HCRTR2: variants seen among roughly 807,000 people sequenced by gnomAD.
HCRTR2 encodes the protein orexin receptor type 2.
A neutral mutation model predicts 49.0 loss-of-function variants in HCRTR2; 22 were observed. That is an observed-to-expected ratio of 0.45 (90% CI 0.32 to 0.64). The LOEUF is 0.64. Among genes scored for constraint, HCRTR2 ranks in the 30% least tolerant of loss-of-function variants. The pLI is 0.04. For missense variants in HCRTR2, 491 were observed against 559.4 expected (o/e 0.88, Z 1.23); for synonymous variants, 236 against 205.3 (o/e 1.15, Z -1.28).
chr6:55,125,081 G>C (rs896100621), intron 1 of HCRTR2, among the ~76,000 whole-genome samples: 3 of 151,990 alleles, frequency 2.0e-5, no homozygotes, highest in Admixed American at 6.6e-5. Flanking sequence ...GCCAGCCTGT[G>C]TCTTTTAATT....
At chr6:55,215,375 A>G (rs937053414) in intron 1 of HCRTR2, among the ~76,000 whole-genome samples, 2 of 152,216 alleles carry the variant, frequency 1.3e-5, no homozygotes, top group Non-Finnish European at 2.9e-5. Flanking sequence ...TTCCAGATAA[A>G]CAAAAGCCAA....
intron 1 of HCRTR2, among the ~76,000 whole-genome samples, chr6:55,201,824 G>A (rs1765518120): frequency 6.6e-6 from 1 of 152,062 alleles, no homozygotes; most frequent in Non-Finnish European, 1.5e-5. Flanking sequence ...CACAAACTCA[G>A]ATTTTATAGC....
chr6:55,226,387 C>T (rs9396065), intron 1 of HCRTR2, among the ~76,000 whole-genome samples: 31,155 of 152,074 alleles, frequency 0.2, 3,321 homozygotes, highest in Non-Finnish European at 0.24. Context: ...CAGCTCACTG[C>T]AACCTCCGAC....
intron 1 of HCRTR2, among the ~76,000 whole-genome samples, chr6:55,209,094 A>G (rs1382669312): frequency 6.6e-6 from 1 of 152,212 alleles, no homozygotes; most frequent in Non-Finnish European, 1.5e-5. Flanking sequence ...TAAATCAAAC[A>G]ATGTTTTCTA....
At chr6:55,191,924 A>T (rs1215181170) in intron 1 of HCRTR2, among the ~76,000 whole-genome samples, 1 of 152,200 alleles carries the variant, frequency 6.6e-6, no homozygotes, top group Admixed American at 6.5e-5. Flanking sequence ...CTACCTTCAA[A>T]GAATAGGTGT....
At chr6:55,141,671 A>T (rs1413343673) in intron 1 of HCRTR2, among the ~76,000 whole-genome samples, 2 of 152,190 alleles carry the variant, frequency 1.3e-5, no homozygotes, top group African/African-American at 4.8e-5. Context: ...CAGCTGTTGG[A>T]TGTTCAAAAA....
chr6:55,107,277 G>T (rs1763986479), intron 1 of HCRTR2, among the ~76,000 whole-genome samples: 1 of 151,970 alleles, frequency 6.6e-6, no homozygotes, highest in Non-Finnish European at 1.5e-5. Flanking sequence ...TACTATAAAA[G>T]GATATATGAC....
At chr6:55,168,328 T>C (rs9296775) in intron 1 of HCRTR2, among the ~76,000 whole-genome samples, 2,431 of 152,316 alleles carry the variant, frequency 0.016, 62 homozygotes, top group African/African-American at 0.056. Context: ...AAAATTTATA[T>C]AATTTTACAA....
chr6:55,150,857 C>T (rs1764655592), intron 1 of HCRTR2, among the ~76,000 whole-genome samples: 1 of 151,886 alleles, frequency 6.6e-6, no homozygotes. Context: ...GTACACTTTC[C>T]TTAGAGGATA....
intron 1 of HCRTR2, among the ~76,000 whole-genome samples, chr6:55,131,975 A>G (rs530381550): frequency 8.0e-4 from 121 of 151,972 alleles, no homozygotes; most frequent in African/African-American, 2.8e-3. Flanking sequence ...CAAAAATGAC[A>G]GAATAATGCC....
chr6:55,243,576 A>C (rs1406982397), intron 1 of HCRTR2, among the ~76,000 whole-genome samples: 2 of 152,286 alleles, frequency 1.3e-5, no homozygotes, highest in Middle Eastern at 3.4e-3. Context: ...CCTTTTAAAG[A>C]ATTTGCTCAT....
chr6:55,175,540 A>G (rs1347072466), intron 1 of HCRTR2, among the ~76,000 whole-genome samples: 1 of 151,562 alleles, frequency 6.6e-6, no homozygotes, highest in Non-Finnish European at 1.5e-5. Context: ...GCTTGTTGCC[A>G]GGCTCAGGAA....
At chr6:55,118,441 G>C (rs537807824) in intron 1 of HCRTR2, among the ~76,000 whole-genome samples, 1 of 151,838 alleles carries the variant, frequency 6.6e-6, no homozygotes, top group African/African-American at 2.4e-5. Context: ...GGGTTGAATG[G>C]TATTTCTGTC....
chr6:55,109,102 C>T (rs1179390786), intron 1 of HCRTR2, among the ~76,000 whole-genome samples: 1 of 152,098 alleles, frequency 6.6e-6, no homozygotes, highest in Non-Finnish European at 1.5e-5. Context: ...AGTACCAGCC[C>T]AGAGCCTGGT....
chr6:55,211,335 A>G (rs995768502), intron 1 of HCRTR2, among the ~76,000 whole-genome samples: 4 of 152,194 alleles, frequency 2.6e-5, no homozygotes, highest in Admixed American at 6.6e-5. Flanking sequence ...CAAATCCTGA[A>G]TGTTCTGTAC....
chr6:55,226,070 C>T (rs2127297919), intron 1 of HCRTR2, among the ~76,000 whole-genome samples: 1 of 152,312 alleles, frequency 6.6e-6, no homozygotes, highest in South Asian at 2.1e-4. Context: ...CATCCAATTG[C>T]AGCATCATTG....
intron 1 of HCRTR2, among the ~76,000 whole-genome samples, chr6:55,230,094 C>G (rs540199871): frequency 1.4e-4 from 21 of 152,178 alleles, no homozygotes; most frequent in African/African-American, 4.3e-4. Flanking sequence ...TACTCTCATG[C>G]CTTAATTATA....
At chr6:55,224,550 G>A (rs1166427072) in intron 1 of HCRTR2, among the ~76,000 whole-genome samples, 1 of 152,068 alleles carries the variant, frequency 6.6e-6, no homozygotes, top group Admixed American at 6.5e-5. Flanking sequence ...GTGAACCCGG[G>A]AGGCGGAGCT....
In HCRTR2 at chr6:55,255,382, A is replaced by G; in HGVS notation, c.646+3A>G. 1 of 1,613,950 alleles carries G rather than the reference A, an allele frequency of 6.2e-7. No homozygotes were observed. The highest frequency in any genetic ancestry group is 8.5e-7 in the Non-Finnish European group (1 of 1,179,908). ...GGTGTGTGATGAGCGCTGGGGTGGT[A>G]AGTACCTTATGGCCCATCAACTGAC... On this transcript the variant is annotated splice_donor_region_variant and intron_variant, in intron 3 of 6. Coordinates refer to ENST00000370862, the MANE Select transcript of HCRTR2 (RefSeq NM_001384272.1).
Sources: gnomAD v4.1 joint callset for allele counts (sites outside exome capture counted in the v4.1 genomes callset) on GRCh38, gnomAD v4.1.1 for gene constraint, MANE v1.5 for transcripts, NCBI Gene and HGNC (gene_info 2026-07-23, HGNC 2026-07-21) for gene names.